Variants in NCOA1 observed in about 807,000 individuals in gnomAD.
NCOA1 encodes the protein nuclear receptor coactivator 1, also known as Hin-2 protein.
NCOA1 carries 35 observed loss-of-function variants against 150.9 expected under a neutral mutation model. That is an observed-to-expected ratio of 0.23 (90% CI 0.18 to 0.31). The LOEUF is 0.31. NCOA1 is among the 10% of genes least tolerant of loss of function. The pLI is 1.00. For synonymous variants in NCOA1, 590 were observed against 630.0 expected (o/e 0.94, Z 0.95); for missense variants, 1,491 against 1,749.3 (o/e 0.85, Z 2.63).
At chr2:24,719,293 T>C (rs1674237901) in intron 14 of NCOA1, among the ~76,000 whole-genome samples, 1 of 152,116 alleles carries the variant, frequency 6.6e-6, no homozygotes, top group South Asian at 2.1e-4. Context: ...GTTAGGAAGA[T>C]TGATAGCCAA....
At chr2:24,570,259 T>A (rs1464490298) in intron 2 of NCOA1, among the ~76,000 whole-genome samples, 1 of 152,166 alleles carries the variant, frequency 6.6e-6, no homozygotes, top group Non-Finnish European at 1.5e-5. Flanking sequence ...TGGTTTATGG[T>A]TCAATCTGAT....
chr2:24,598,799 A>AC (rs1558825845), intron 3 of NCOA1, among the ~76,000 whole-genome samples: 1 of 152,126 alleles, frequency 6.6e-6, no homozygotes, highest in African/African-American at 2.4e-5. Context: ...TTCAAGGGGC[A>AC]CATGTGCAGT....
chr2:24,586,241 A>G (rs1385733024), intron 3 of NCOA1, among the ~76,000 whole-genome samples: 1 of 138,070 alleles, frequency 7.2e-6, no homozygotes, highest in East Asian at 2.1e-4. Context: ...GTGCCACTGC[A>G]CTTCAGCCTG....
chr2:24,697,607 T>C (rs760178024), intron 10 of NCOA1, 51 bp from the exon 11 acceptor site: 3 of 1,465,664 alleles, frequency 2.0e-6, no homozygotes, highest in Non-Finnish European at 2.8e-6. Context: ...GAAATACAGA[T>C]GATTTATATA....
intron 7 of NCOA1, among the ~76,000 whole-genome samples, chr2:24,677,514 C>G (rs996481840): frequency 6.6e-6 from 1 of 152,146 alleles, no homozygotes; most frequent in African/African-American, 2.4e-5. Context: ...ACCTCCACCT[C>G]TTGGGTTTAA....
chr2:24,587,240 C>T (rs1283167326), intron 3 of NCOA1, among the ~76,000 whole-genome samples: 1 of 152,024 alleles, frequency 6.6e-6, no homozygotes, highest in African/African-American at 2.4e-5. Context: ...CTGCCTAATT[C>T]TGGGACTCTG....
At chr2:24,757,527 C>A (rs2148689999) in intron 20 of NCOA1, among the ~76,000 whole-genome samples, 1 of 152,220 alleles carries the variant, frequency 6.6e-6, no homozygotes, top group East Asian at 1.9e-4. Context: ...CAAGCAAACA[C>A]AATATAAGGA....
At chr2:24,688,113 C>T (rs1239043034) in intron 8 of NCOA1, among the ~76,000 whole-genome samples, 4 of 152,136 alleles carry the variant, frequency 2.6e-5, no homozygotes, top group Non-Finnish European at 5.9e-5. Context: ...TTATAGTATT[C>T]CATGGTGTGT....
chr2:24,664,566 G>C, intron 5 of NCOA1, among the ~76,000 whole-genome samples: 1 of 152,092 alleles, frequency 6.6e-6, no homozygotes, highest in East Asian at 1.9e-4. Context: ...AAATTAGCCA[G>C]GCATGGTGGC....
chr2:24,711,978 G>A (rs144423842), intron 14 of NCOA1, among the ~76,000 whole-genome samples: 2,616 of 152,252 alleles, frequency 0.017, 248 homozygotes, highest in Admixed American at 0.16. Flanking sequence ...AGTCCAACTG[G>A]AACTTTTAAC....
At chr2:24,595,827 T>TA in intron 3 of NCOA1, among the ~76,000 whole-genome samples, 1 of 152,230 alleles carries the variant, frequency 6.6e-6, no homozygotes, top group East Asian at 1.9e-4. Flanking sequence ...ATGGGCACAA[T>TA]AGAGATCTCC....
intron 3 of NCOA1, among the ~76,000 whole-genome samples, chr2:24,624,433 T>C (rs1196922155): frequency 2.0e-5 from 3 of 152,244 alleles, no homozygotes; most frequent in East Asian, 1.9e-4. Flanking sequence ...CTTTTATTTT[T>C]AGAAAGTAGA....
rs373391533 is a variant in NCOA1 at position 24,557,014 on chromosome 2, G to T, written c.-395-7281G>T. Among the ~76,000 whole-genome samples the T allele has an allele frequency of 6.6e-5, 10 of 150,416 alleles. 1 individual carries two copies. The highest frequency in any genetic ancestry group is 6.4e-4 in the South Asian group (3 of 4,706). On this transcript the variant is annotated intron_variant, in intron 1 of 22. Coordinates refer to ENST00000348332, the MANE Select transcript of NCOA1 (RefSeq NM_003743.5). ...ATAATTCATTGTTGTTGTTGGGTTG[G>T]GGGGGGTGGCTATCCTGTATGTATT...
intron 3 of NCOA1, among the ~76,000 whole-genome samples, chr2:24,626,067 G>A (rs1429247676): frequency 6.6e-6 from 1 of 151,934 alleles, no homozygotes; most frequent in African/African-American, 2.4e-5. Context: ...GTTTTAGAGG[G>A]GTCTGGTTCT....
At chr2:24,723,057 T>G (rs1674435292) in intron 14 of NCOA1, among the ~76,000 whole-genome samples, 1 of 152,144 alleles carries the variant, frequency 6.6e-6, no homozygotes, top group Non-Finnish European at 1.5e-5. Flanking sequence ...GTTTATTTAT[T>G]TTTAGTGATT....
chr2:24,697,004 TTACC>T (rs1220449637), intron 10 of NCOA1, among the ~76,000 whole-genome samples: 1 of 152,118 alleles, frequency 6.6e-6, no homozygotes. Context: ...GAGGAATAAC[TTACC>T]TGAATTCTCT....
At chr2:24,545,095 G>A (rs1316705108) in intron 1 of NCOA1, among the ~76,000 whole-genome samples, 1 of 152,100 alleles carries the variant, frequency 6.6e-6, no homozygotes, top group Non-Finnish European at 1.5e-5. Context: ...TCTGCTGAGA[G>A]GGCCTAGGAG....
In NCOA1 at chr2:24,512,544, C is replaced by T. The variant is rs147032044; in HGVS notation, c.-396+20942C>T. ...GTTGGAATGTTGCCCTTGGTAATGA[C>T]TACCCATTTTATCAAGGTCCTCTTA... On this transcript the variant is annotated intron_variant, in intron 1 of 22. Coordinates refer to ENST00000348332, the MANE Select transcript of NCOA1 (RefSeq NM_003743.5). 1.3e-4 allele frequency among the ~76,000 whole-genome samples: 20 copies of T among 152,248 alleles called. No homozygotes were observed. In the East Asian group the frequency reaches 3.7e-3, roughly 28 times the overall value.
intron 1 of NCOA1, among the ~76,000 whole-genome samples, chr2:24,532,494 T>G (rs11894166): frequency 0.19 from 28,444 of 152,184 alleles, 2,837 homozygotes; most frequent in Non-Finnish European, 0.23. Flanking sequence ...TTGTTGCCAT[T>G]GCTTTTGGTG....
Sources: allele counts gnomAD v4.1 joint callset (sites outside exome capture counted in the v4.1 genomes callset), GRCh38; gene constraint gnomAD v4.1.1; transcripts MANE v1.5; gene names NCBI Gene and HGNC (gene_info 2026-07-23, HGNC 2026-07-21).